The following KNTC1 variants were observed in gnomAD, a reference collection of about 807,000 sequenced individuals.
The protein encoded by KNTC1 is kinetochore associated 1.
KNTC1 carries 253 observed loss-of-function variants against 314.4 expected under a neutral mutation model. The observed-to-expected ratio is 0.80, with a 90% CI of 0.73 to 0.89. The LOEUF is 0.89. KNTC1 is among the 40% of genes least tolerant of loss of function. KNTC1 has a pLI of 0.00. For missense variants in KNTC1, 2,475 were observed against 2,572.9 expected, an observed-to-expected ratio of 0.96 and a Z score of 0.82; for synonymous variants, 901 against 901.4, an observed-to-expected ratio of 1.00 and a Z score of 0.01.
intron 16 of KNTC1, among the ~76,000 whole-genome samples, chr12:122,555,483 G>A (rs769877891): frequency 2.0e-5 from 3 of 152,050 alleles, no homozygotes; most frequent in Non-Finnish European, 4.4e-5. Context: ...ATCAGAAGGC[G>A]GAGGTTGCAG....
chr12:122,548,535 C>G (rs967534787), intron 12 of KNTC1, among the ~76,000 whole-genome samples: 2 of 152,066 alleles, frequency 1.3e-5, no homozygotes, highest in Non-Finnish European at 2.9e-5. Context: ...TAGAGTGACT[C>G]TTACGTAGTT....
At chr12:122,603,585 C>T (rs1002784913) in intron 48 of KNTC1, among the ~76,000 whole-genome samples, 3 of 152,020 alleles carry the variant, frequency 2.0e-5, no homozygotes, top group Non-Finnish European at 2.9e-5. Context: ...CTCCACCTCC[C>T]GGGTTCAAGT....
At chr12:122,610,522 A>T (rs1873004636) in intron 52 of KNTC1, among the ~76,000 whole-genome samples, 1 of 152,204 alleles carries the variant, frequency 6.6e-6, no homozygotes, top group Non-Finnish European at 1.5e-5. Context: ...CTTTACAGCT[A>T]CAGTTTGTAT....
intron 1 of KNTC1, among the ~76,000 whole-genome samples, chr12:122,529,587 T>C (rs997479228): frequency 2.6e-5 from 4 of 152,216 alleles, no homozygotes; most frequent in Non-Finnish European, 4.4e-5. Flanking sequence ...TGGAATCTTA[T>C]CATCCTATGA....
chr12:122,603,204 G>A lies in KNTC1; in HGVS notation c.5062G>A (p.Val1688Ile), dbSNP rs192721169. 5.0e-4 allele frequency: 812 copies of A among 1,612,846 alleles called. 7 individuals carry two copies. The highest frequency in any genetic ancestry group is 1.6e-5 in the Non-Finnish European group (19 of 1,179,608). Residue 1688 changes from valine (V) to isoleucine (I), a missense_variant, in exon 48 of 64, where the codon GTA becomes ATA. By Grantham distance (29) the Val-to-Ile change is conservative. Transcript: ENST00000333479. ...LLSIVNPEWAVAIAISLAQDI... is the reference protein window; with the variant it reads ...LLSIVNPEWAIAIAISLAQDI... ...CTCTATAGTCAACCCAGAGTGGGCT[G>A]TAGCTATTGCCATCAGCCTTGCCCA...
intron 20 of KNTC1, 82 bp downstream of exon 20, chr12:122,562,781 G>T: frequency 6.4e-6 from 5 of 787,370 alleles, no homozygotes; most frequent in East Asian, 2.7e-5. Flanking sequence ...AGGCTGAGGT[G>T]GGCAGATCAC....
chr12:122,575,747 T>C, intron 28 of KNTC1, 53 bp from the exon 29 acceptor site: 1 of 1,518,736 alleles, frequency 6.6e-7, no homozygotes, highest in South Asian at 1.2e-5. Context: ...CTGTGTCCCA[T>C]AGTACTTCAT....
chr12:122,529,697 A>G (rs776559580), intron 1 of KNTC1, among the ~76,000 whole-genome samples: 2 of 152,186 alleles, frequency 1.3e-5, no homozygotes, highest in Non-Finnish European at 2.9e-5. Flanking sequence ...GGTATAATTA[A>G]AGGTTTATTT....
intron 20 of KNTC1, chr12:122,563,589 A>C: frequency 3.4e-6 from 1 of 294,662 alleles, no homozygotes; most frequent in Non-Finnish European, 6.1e-6. Context: ...TTTTCCTAGT[A>C]GTAAATTTAC....
chr12:122,590,229 T>C (rs887031291), intron 40 of KNTC1, among the ~76,000 whole-genome samples: 3 of 152,122 alleles, frequency 2.0e-5, no homozygotes, highest in African/African-American at 7.2e-5. Context: ...TCATTTCATA[T>C]TTTGTATATA....
chr12:122,598,329 A>G (rs1024318719), intron 44 of KNTC1, among the ~76,000 whole-genome samples: 2 of 151,620 alleles, frequency 1.3e-5, no homozygotes, highest in Non-Finnish European at 2.9e-5. Context: ...TGGTCATTAT[A>G]TGTCATTACA....
rs1874524270 is a variant in KNTC1, at chr12:122,622,301, CT to C, written c.6370-160del. Among the ~76,000 whole-genome samples the C allele has an allele frequency of 2.6e-5, 4 of 152,174 alleles. No homozygotes were observed. In the South Asian group the frequency reaches 8.3e-4, roughly 32 times the overall value. On this transcript the variant is annotated intron_variant, in intron 61 of 63. Coordinates refer to ENST00000333479, the MANE Select transcript of KNTC1 (RefSeq NM_014708.6). ...CAGGCCTCCTTTCCCTTTTTACCCC[CT>C]CAAAAAGGAGGCGCAGTCACAATGC...
chr12:122,605,585 G>A (rs1331293017), intron 51 of KNTC1, among the ~76,000 whole-genome samples, 170 bp downstream of exon 51: 1 of 152,162 alleles, frequency 6.6e-6, no homozygotes, highest in Non-Finnish European at 1.5e-5. Context: ...CTTGCTTGTT[G>A]CCCAGGCTGG....
At chr12:122,566,118 C>T (rs1211834902) in intron 20 of KNTC1, among the ~76,000 whole-genome samples, 4 of 151,044 alleles carry the variant, frequency 2.6e-5, no homozygotes, top group Admixed American at 2.0e-4. Flanking sequence ...AATTTTTGTA[C>T]TTTTAGTAGA....
chr12:122,564,216 A>C (rs1964159777), intron 20 of KNTC1, among the ~76,000 whole-genome samples: 2 of 152,124 alleles, frequency 1.3e-5, no homozygotes. Flanking sequence ...ACCTCAGGCA[A>C]TCCACCCACC....
At chr12:122,546,553 T>G in intron 9 of KNTC1, 69 bp from the exon 10 acceptor site, 1 of 1,005,890 alleles carries the variant, frequency 9.9e-7, no homozygotes, top group South Asian at 1.5e-5. Context: ...TGTGAATATG[T>G]TAGTTTTTTA....
intron 33 of KNTC1, among the ~76,000 whole-genome samples, chr12:122,581,978 C>T (rs1242411548): frequency 2.0e-5 from 3 of 152,172 alleles, no homozygotes; most frequent in Admixed American, 6.5e-5. Context: ...CCTCTCTTCT[C>T]GCAGCCCCTG....
intron 5 of KNTC1, among the ~76,000 whole-genome samples, chr12:122,541,117 A>C (rs1962273783): frequency 6.6e-6 from 1 of 151,984 alleles, no homozygotes; most frequent in Non-Finnish European, 1.5e-5. Flanking sequence ...CGATCGCTGC[A>C]CTGCAGTGTC....
At position 122,538,322 on chromosome 12, in the gene KNTC1, T is replaced by C; in HGVS notation, c.251-17T>C. On this transcript the variant is annotated splice_polypyrimidine_tract_variant and intron_variant, in intron 3 of 63. Transcript: ENST00000333479. ...GATTTTCGAAGGAAGCTTGTAACTTTGATTTGAAATTTTCAGATACTGAAG... is the reference window on the plus strand; with the variant it reads ...GATTTTCGAAGGAAGCTTGTAACTTCGATTTGAAATTTTCAGATACTGAAG... 7.1e-7 allele frequency: 1 copy of C among 1,405,576 alleles called. No homozygotes were observed. Among genetic ancestry groups the C allele is most frequent in the South Asian group, 1.3e-5 (1 of 77,674 alleles). The allele number at this position is 1,405,576 out of a possible 1,614,324, so 87.1% of individuals were successfully genotyped here.
Sources: gnomAD v4.1 joint callset for allele counts (sites outside exome capture counted in the v4.1 genomes callset) on GRCh38, gnomAD v4.1.1 for gene constraint, MANE v1.5 for transcripts, NCBI Gene and HGNC (gene_info 2026-07-23, HGNC 2026-07-21) for gene names.